The following ANAPC10 variants were observed in gnomAD, a reference collection of about 807,000 sequenced individuals.
ANAPC10 encodes the protein anaphase-promoting complex subunit 10.
In ANAPC10, 12 loss-of-function variants were observed where a neutral mutation model predicts 22.0. The observed-to-expected ratio is 0.55, with a 90% CI of 0.35 to 0.88. The LOEUF (loss-of-function observed/expected upper bound fraction) is 0.88, where lower values mean the gene tolerates loss of function less well. Ranked by LOEUF, ANAPC10 falls within the 40% of genes least tolerant of loss-of-function variation. The pLI is 0.01. For missense variants in ANAPC10, 188 were observed against 220.9 expected (o/e 0.85, Z 0.94); for synonymous variants, 65 against 69.5 (o/e 0.94, Z 0.32).
intron 4 of ANAPC10, among the ~76,000 whole-genome samples, chr4:145,015,500 G>C (rs2126950485): frequency 6.6e-6 from 1 of 152,102 alleles, no homozygotes; most frequent in South Asian, 2.1e-4. Context: ...AAATCTAAAA[G>C]CTGAAAAAAC....
At chr4:145,054,640 T>C (rs12648330) in intron 4 of ANAPC10, among the ~76,000 whole-genome samples, 42,063 of 88,960 alleles carry the variant, frequency 0.47, 6,931 homozygotes, top group Middle Eastern at 0.53. Flanking sequence ...TGTGTGTGTG[T>C]GCGCGCGCGC....
At chr4:145,033,751 A>G (rs1278521489) in intron 4 of ANAPC10, among the ~76,000 whole-genome samples, 1 of 152,228 alleles carries the variant, frequency 6.6e-6, no homozygotes, top group Non-Finnish European at 1.5e-5. Context: ...CAAAGGGAAT[A>G]CAGAACGGGT....
At chr4:145,062,644 G>A (rs767794177) in intron 4 of ANAPC10, among the ~76,000 whole-genome samples, 11 of 151,926 alleles carry the variant, frequency 7.2e-5, no homozygotes, top group Admixed American at 1.3e-4. Flanking sequence ...TAAGATAATT[G>A]TCTATAACAA....
intron 4 of ANAPC10, among the ~76,000 whole-genome samples, chr4:145,026,398 T>G (rs139306636): frequency 1.3e-5 from 2 of 151,738 alleles, no homozygotes; most frequent in African/African-American, 2.4e-5. Context: ...ACATAGCATA[T>G]AAGTATAAAA....
chr4:145,023,471 C>T (rs983220845), intron 4 of ANAPC10, among the ~76,000 whole-genome samples: 6 of 152,050 alleles, frequency 3.9e-5, no homozygotes, highest in South Asian at 2.1e-4. Context: ...TAAATTTACA[C>T]GATGAAGATT....
chr4:145,055,642 GAAGT>G (rs1741954600), intron 4 of ANAPC10, among the ~76,000 whole-genome samples: 1 of 151,996 alleles, frequency 6.6e-6, no homozygotes, highest in Non-Finnish European at 1.5e-5. Context: ...TATGCTAAGT[GAAGT>G]AAGCTAGTCA....
At position 145,095,973 on chromosome 4, in the gene ANAPC10, G is replaced by C; in HGVS notation, c.115+12C>G. 6.2e-7 allele frequency: 1 copy of C among 1,613,968 alleles called. No homozygotes were observed. Among genetic ancestry groups the C allele is most frequent in the South Asian group, 1.1e-5 (1 of 91,078 alleles). The stretch of plus-strand genomic sequence containing the variant: ...ACTATTTCCAACAGCTTTTTTGTTT[G>C]TTAGTTTTTACCTGGTTTGCAAGAT... On this transcript the variant is annotated intron_variant, in intron 2 of 4. Coordinates refer to ENST00000507656, the MANE Select transcript of ANAPC10 (RefSeq NM_001256706.2).
At chr4:145,097,877 C>A (rs1320316367) in intron 1 of ANAPC10, 6 of 302,992 alleles carry the variant, frequency 2.0e-5, no homozygotes, top group African/African-American at 4.4e-5. Flanking sequence ...ATTCCCGGCC[C>A]TGAACTGACC....
chr4:145,083,364 T>C (rs1241735467), intron 2 of ANAPC10, among the ~76,000 whole-genome samples: 1 of 152,218 alleles, frequency 6.6e-6, no homozygotes, highest in Non-Finnish European at 1.5e-5. Context: ...TTGTTTCCAA[T>C]GTTTTGCTAT....
intron 4 of ANAPC10, among the ~76,000 whole-genome samples, chr4:145,009,055 A>G (rs551056004): frequency 6.6e-6 from 1 of 152,164 alleles, no homozygotes; most frequent in African/African-American, 2.4e-5. Flanking sequence ...ACAGACAGAG[A>G]GCCAAATCAT....
rs752455250 is a variant in ANAPC10 at position 145,081,694 on chromosome 4, C to T, written c.172G>A (p.Gly58Ser). 6.2e-7 allele frequency: 1 copy of T among 1,612,512 alleles called. No homozygotes were observed. The highest frequency in any genetic ancestry group is 8.5e-7 in the Non-Finnish European group (1 of 1,179,426). Residue 58 changes from glycine (G) to serine (S), a missense_variant, in exon 3 of 5, where the codon GGT becomes AGT. Coordinates refer to ENST00000507656, the MANE Select transcript of ANAPC10 (RefSeq NM_001256706.2). Reference protein sequence around the residue: ...DNLETYWQSDGSQPHLVNIQF... With the variant: ...DNLETYWQSDSSQPHLVNIQF... Reference sequence around the variant, plus strand: ...ATGTTCACTAAATGAGGCTGGGAACCATCTGATTGCCAATAAGTTTCTAGA... The same window carrying T: ...ATGTTCACTAAATGAGGCTGGGAACTATCTGATTGCCAATAAGTTTCTAGA...
At chr4:145,077,123 C>T (rs944695580) in intron 3 of ANAPC10, among the ~76,000 whole-genome samples, 6 of 151,996 alleles carry the variant, frequency 3.9e-5, no homozygotes, top group Non-Finnish European at 2.9e-5. Context: ...GGCGTGAAAC[C>T]GGGAGGCGGA....
chr4:145,081,657 T>A lies in ANAPC10; in HGVS notation c.206+3A>T. 1 of 1,596,110 alleles carries A rather than the reference T, an allele frequency of 6.3e-7. No homozygotes were observed. The highest frequency in any genetic ancestry group is 8.6e-7 in the Non-Finnish European group (1 of 1,167,984). ...ATGAAAAATTTGAAAATGTATTAAT[T>A]ACCTGAATTGGATGTTCACTAAATG... On this transcript the variant is annotated splice_donor_region_variant and intron_variant, in intron 3 of 4. Coordinates refer to ENST00000507656, the MANE Select transcript of ANAPC10 (RefSeq NM_001256706.2).
chr4:145,055,388 T>G (rs953114814), intron 4 of ANAPC10, among the ~76,000 whole-genome samples: 1 of 152,054 alleles, frequency 6.6e-6, no homozygotes, highest in East Asian at 1.9e-4. Flanking sequence ...TGAAACCCTG[T>G]CTACACTAAA....
intron 3 of ANAPC10, among the ~76,000 whole-genome samples, chr4:145,068,824 C>T (rs549646580): frequency 1.1e-4 from 16 of 152,262 alleles, no homozygotes; most frequent in East Asian, 9.7e-4. Context: ...GCAGGAGAAT[C>T]GCTTGAACCC....
chr4:145,003,276 CT>C (rs1489860220), intron 4 of ANAPC10, among the ~76,000 whole-genome samples: 1 of 152,036 alleles, frequency 6.6e-6, no homozygotes, highest in Non-Finnish European at 1.5e-5. Flanking sequence ...TTTAAAAAAT[CT>C]ACTCTACTAC....
At chr4:145,010,958 G>A (rs1362400073) in intron 4 of ANAPC10, among the ~76,000 whole-genome samples, 3 of 152,024 alleles carry the variant, frequency 2.0e-5, no homozygotes, top group African/African-American at 4.8e-5. Flanking sequence ...AGGTATCCAC[G>A]GAAGGCACGG....
intron 3 of ANAPC10, among the ~76,000 whole-genome samples, chr4:145,078,599 G>C (rs761121731): frequency 6.6e-6 from 1 of 152,078 alleles, no homozygotes; most frequent in Non-Finnish European, 1.5e-5. Context: ...AAAGCTGGAG[G>C]CATCACATTA....
chr4:145,095,435 T>A (rs1231201530), intron 2 of ANAPC10, among the ~76,000 whole-genome samples: 1 of 152,206 alleles, frequency 6.6e-6, no homozygotes, highest in Non-Finnish European at 1.5e-5. Flanking sequence ...ATCCACACTG[T>A]GTATACTACC....
Sources: gnomAD v4.1 joint callset for allele counts (sites outside exome capture counted in the v4.1 genomes callset) on GRCh38, gnomAD v4.1.1 for gene constraint, MANE v1.5 for transcripts, NCBI Gene and HGNC (gene_info 2026-07-23, HGNC 2026-07-21) for gene names.